USH1C: variants seen among roughly 807,000 people sequenced by gnomAD.
USH1C encodes USH1 protein network component harmonin, also known as harmonin.
In USH1C, 90 loss-of-function variants were observed where a neutral mutation model predicts 119.3. The ratio of observed to expected loss-of-function variants is 0.75; its 90% CI spans 0.64 to 0.90. The LOEUF (loss-of-function observed/expected upper bound fraction) is 0.90, where lower values mean the gene tolerates loss of function less well. Ranked by LOEUF, USH1C falls within the 40% of genes least tolerant of loss-of-function variation. USH1C has a pLI of 0.00. For missense variants in USH1C, 1,165 were observed against 1,167.7 expected, an observed-to-expected ratio of 1.00 and a Z score of 0.03; for synonymous variants, 465 against 443.3, an observed-to-expected ratio of 1.05 and a Z score of -0.62.
At position 17,529,077 on chromosome 11, in the gene USH1C, C is replaced by T. The variant is rs374028996; in HGVS notation, c.388-1746G>A. Among the ~76,000 whole-genome samples the T allele has an allele frequency of 1.2e-3, 189 of 152,312 alleles. 1 individual carries two copies. The highest frequency in any genetic ancestry group is 3.4e-3 in the Middle Eastern group (1 of 294). The stretch of plus-strand genomic sequence containing the variant: ...GTCTGGAAGTAGAAAAGAAGGGCAT[C>T]CGGCCAAGCCTAGCTGCAATTCCCT... On this transcript the variant is annotated intron_variant, in intron 4 of 26. Transcript: ENST00000005226.
At chr11:17,536,366 T>TC (rs1565070424) in intron 1 of USH1C, among the ~76,000 whole-genome samples, 1 of 152,212 alleles carries the variant, frequency 6.6e-6, no homozygotes, top group Non-Finnish European at 1.5e-5. Context: ...TGAGGAACTG[T>TC]CCTCCTTAGA....
At position 17,526,365 on chromosome 11, in the gene USH1C, G is replaced by A; in HGVS notation, c.656C>T (p.Ser219Phe). 2 of 1,614,000 alleles carry A rather than the reference G, an allele frequency of 1.2e-6. No homozygotes were observed. The change falls in exon 8 of 27, where the codon TCC becomes TTC. Residue 219 changes from serine (S) to phenylalanine (F), a missense_variant. Physicochemically the swap from Ser to Phe is radical, Grantham distance 155. Coordinates refer to ENST00000005226, the MANE Select transcript of USH1C (RefSeq NM_153676.4). The stretch of plus-strand genomic sequence containing the variant: ...CACCCACCTGCAGCCAAGGCCTCGG[G>A]AGCCTACCAGGCTGATGAAGACCTT... ...EKKVFISLVGSRGLGCSISSG... is the reference protein window; with the variant it reads ...EKKVFISLVGFRGLGCSISSG...
intron 14 of USH1C, among the ~76,000 whole-genome samples, chr11:17,519,755 CA>C (rs1481672104): frequency 6.6e-6 from 1 of 152,176 alleles, no homozygotes; most frequent in Non-Finnish European, 1.5e-5. Flanking sequence ...GCCCTGCTGC[CA>C]GGAAGAAATG....
intron 1 of USH1C, among the ~76,000 whole-genome samples, chr11:17,543,682 C>T (rs1316223185): frequency 6.6e-6 from 1 of 152,194 alleles, no homozygotes; most frequent in Non-Finnish European, 1.5e-5. Context: ...GGCCAGAGCC[C>T]AGCTCCGACG....
chr11:17,508,128 G>A (rs1849721694), intron 18 of USH1C, among the ~76,000 whole-genome samples: 1 of 152,324 alleles, frequency 6.6e-6, no homozygotes, highest in Middle Eastern at 3.4e-3. Flanking sequence ...TCATCTTGAT[G>A]GAGGCCACTT....
In USH1C at chr11:17,524,491, T is replaced by C. The variant is rs943937625; in HGVS notation, c.719A>G (p.His240Arg). The change falls in exon 9 of 27, where the codon CAT becomes CGT. Residue 240 changes from histidine to arginine, a missense_variant. Physicochemically the swap from His to Arg is conservative, Grantham distance 29. Transcript: ENST00000005226. Reference protein sequence around the residue: ...PIQKPGIFISHVKPGSLSAEV... With the variant: ...PIQKPGIFISRVKPGSLSAEV... ...AGCAGACAGGGAGCCAGGTTTCACA[T>C]GGCTGATAAAGATGCCAGGCTTCTG... 2.5e-6 allele frequency: 4 copies of C among 1,574,448 alleles called. No homozygotes were observed. The Admixed American group carries it at 5.4e-5, about 21-fold the overall frequency.
chr11:17,509,842 G>T lies in USH1C; in HGVS notation c.1531-4C>A. Reference sequence around the variant, plus strand: ...GAGGCGGGGGCCCTGTGGTCATCTGGGGGTGTTGCAAGGAAGTTCTGTAAT... The same window carrying T: ...GAGGCGGGGGCCCTGTGGTCATCTGTGGGTGTTGCAAGGAAGTTCTGTAAT... On this transcript the variant is annotated splice_polypyrimidine_tract_variant and splice_region_variant and intron_variant, in intron 17 of 26. Coordinates refer to ENST00000005226, the MANE Select transcript of USH1C (RefSeq NM_153676.4). 1.3e-6 allele frequency: 2 copies of T among 1,591,308 alleles called. No homozygotes were observed. The highest frequency in any genetic ancestry group is 8.5e-7 in the Non-Finnish European group (1 of 1,175,130).
chr11:17,500,539 C>T (rs878208), intron 23 of USH1C, among the ~76,000 whole-genome samples: 32,134 of 152,174 alleles, frequency 0.21, 5,027 homozygotes, highest in African/African-American at 0.44. Flanking sequence ...CGTTCGGCTC[C>T]TACCATCACT....
rs1336090366 is a variant in USH1C, at chr11:17,494,391, A to G, written c.2656-15T>C. Reference sequence around the variant, plus strand: ...AGAAGAAGGTCCTGCAGGGAAGTGGAAACAGCCCAGGTGGATACAGGCTTT... The same window carrying G: ...AGAAGAAGGTCCTGCAGGGAAGTGGGAACAGCCCAGGTGGATACAGGCTTT... On this transcript the variant is annotated splice_polypyrimidine_tract_variant and intron_variant, in intron 26 of 26. Coordinates refer to ENST00000005226, the MANE Select transcript of USH1C (RefSeq NM_153676.4). 3 of 1,591,536 alleles carry G rather than the reference A, an allele frequency of 1.9e-6. No individual in the cohort carries two copies. In the East Asian group the frequency reaches 6.8e-5, roughly 36 times the overall value.
At chr11:17,520,251 G>A (rs7129173) in intron 14 of USH1C, among the ~76,000 whole-genome samples, 28,099 of 152,028 alleles carry the variant, frequency 0.18, 4,190 homozygotes, top group African/African-American at 0.41. Flanking sequence ...GATGTGGGAC[G>A]GATGAAGAGA....
intron 8 of USH1C, among the ~76,000 whole-genome samples, chr11:17,526,124 T>G (rs1190389455): frequency 6.6e-6 from 1 of 152,160 alleles, no homozygotes; most frequent in Non-Finnish European, 1.5e-5. Context: ...TTGCTTGAGC[T>G]GGGGAGGTTG....
intron 20 of USH1C, among the ~76,000 whole-genome samples, chr11:17,503,551 C>T (rs1849527254): frequency 6.6e-6 from 1 of 152,184 alleles, no homozygotes. Context: ...GGTTTGACTC[C>T]ACCTCTGGAG....
chr11:17,526,370 T>C lies in USH1C; in HGVS notation c.651A>G (p.Val217=), dbSNP rs75977878. The change falls in exon 8 of 27, where the codon GTA becomes GTG. Residue 217 remains valine, a synonymous_variant. Coordinates refer to ENST00000005226, the MANE Select transcript of USH1C (RefSeq NM_153676.4). ...NKEKKVFISL[V]GSRGLGCSIS... The stretch of plus-strand genomic sequence containing the variant: ...ACCTGCAGCCAAGGCCTCGGGAGCC[T>C]ACCAGGCTGATGAAGACCTTCTTCT... 7,598 of 1,614,004 alleles carry C rather than the reference T, an allele frequency of 4.7e-3. 289 individuals are homozygous for C. In the African/African-American group the frequency reaches 0.083, roughly 18 times the overall value.
At chr11:17,533,875 G>A (rs1851112577) in intron 1 of USH1C, 1 of 402,254 alleles carries the variant, frequency 2.5e-6, no homozygotes, top group African/African-American at 2.0e-5. Context: ...GACCTTAGCT[G>A]GGTTCTGTCC....
chr11:17,510,355 T>TC (rs1253792090), intron 17 of USH1C, 50 bp downstream of exon 17: 1 of 1,476,210 alleles, frequency 6.8e-7, no homozygotes. Context: ...CCACAGTGGG[T>TC]CATTCTGAAG....
At position 17,504,667 on chromosome 11, in the gene USH1C, A is replaced by G; in HGVS notation, c.2164T>C (p.Tyr722His). The G allele has an allele frequency of 6.2e-7, 1 of 1,614,112 alleles. No homozygotes were observed. The highest frequency in any genetic ancestry group is 8.5e-7 in the Non-Finnish European group (1 of 1,180,006). The change falls in exon 20 of 27, where the codon TAT becomes CAT. Residue 722 changes from tyrosine to histidine, a missense_variant. By Grantham distance (83) the Tyr-to-His change is moderately conservative. Coordinates refer to ENST00000005226, the MANE Select transcript of USH1C (RefSeq NM_153676.4). ...PQEMLKRMVV[Y>H]QTAFRQDFRK... ...TTTACTTGTCTGAATGCTGTCTGATAAACCACCATCCTCTTCAACATCTCC... is the reference window on the plus strand; with the variant it reads ...TTTACTTGTCTGAATGCTGTCTGATGAACCACCATCCTCTTCAACATCTCC...
intron 21 of USH1C, among the ~76,000 whole-genome samples, 155 bp downstream of exon 21, chr11:17,501,784 C>G (rs1040112984): frequency 6.6e-6 from 1 of 152,110 alleles, no homozygotes; most frequent in Admixed American, 6.5e-5. Context: ...AAGGAATCTT[C>G]GTGGGAAGAG....
At chr11:17,511,285 T>G (rs1156365586) in intron 16 of USH1C, among the ~76,000 whole-genome samples, 1 of 151,902 alleles carries the variant, frequency 6.6e-6, no homozygotes, top group East Asian at 1.9e-4. Flanking sequence ...ACCTACCACC[T>G]GCATAAGGGG....
intron 1 of USH1C, 48 bp from the exon 2 acceptor site, chr11:17,533,370 C>T (rs375816874): frequency 1.5e-6 from 2 of 1,366,904 alleles, no homozygotes; most frequent in African/African-American, 1.4e-5. Flanking sequence ...AGCACCCGCC[C>T]CCATAGCAGA....
Sources: allele counts gnomAD v4.1 joint callset (sites outside exome capture counted in the v4.1 genomes callset), GRCh38; gene constraint gnomAD v4.1.1; transcripts MANE v1.5; gene names NCBI Gene and HGNC (gene_info 2026-07-23, HGNC 2026-07-21).